Variants in KIAA0586 observed in about 807,000 individuals in gnomAD.
The protein encoded by KIAA0586 is protein TALPID3.
In KIAA0586, 144 loss-of-function variants were observed where a neutral mutation model predicts 169.8. The observed-to-expected ratio is 0.85, with a 90% CI of 0.74 to 0.97. The LOEUF (loss-of-function observed/expected upper bound fraction) is 0.97, where lower values mean the gene tolerates loss of function less well. Among genes scored for constraint, KIAA0586 ranks in the 50% least tolerant of loss-of-function variants. The pLI, the probability that KIAA0586 is intolerant of heterozygous loss-of-function variation, is 0.00. For synonymous variants in KIAA0586, 625 were observed against 612.4 expected (o/e 1.02, Z -0.30); for missense variants, 1,854 against 1,823.0 (o/e 1.02, Z -0.31).
intron 25 of KIAA0586, among the ~76,000 whole-genome samples, chr14:58,491,911 C>T (rs2042858145): frequency 1.3e-5 from 2 of 152,092 alleles, no homozygotes; most frequent in African/African-American, 4.8e-5. Flanking sequence ...TTTATAATCT[C>T]CAGTTTATGT....
At chr14:58,481,202 T>C (rs1173655497) in intron 20 of KIAA0586, among the ~76,000 whole-genome samples, 2 of 152,244 alleles carry the variant, frequency 1.3e-5, no homozygotes, top group Non-Finnish European at 2.9e-5. Context: ...CTGGATATTG[T>C]TACTATAGTT....
At chr14:58,427,499 G>A, upstream of KIAA0586, 1 of 1,250,194 alleles carries the variant, frequency 8.0e-7, no homozygotes, top group Non-Finnish European at 1.1e-6. Context: ...GGATGAGACT[G>A]TAGAGCGGTC....
At chr14:58,510,132 A>C (rs1291796176) in intron 28 of KIAA0586, among the ~76,000 whole-genome samples, 1 of 152,244 alleles carries the variant, frequency 6.6e-6, no homozygotes. Flanking sequence ...GCACTTTGGG[A>C]GGCTGAGGCA....
At chr14:58,502,067 G>A (rs948855472) in intron 27 of KIAA0586, among the ~76,000 whole-genome samples, 2 of 152,150 alleles carry the variant, frequency 1.3e-5, no homozygotes, top group African/African-American at 2.4e-5. Flanking sequence ...CCATAGGGCC[G>A]TGAATGATGT....
chr14:58,499,375 C>G (rs959297020), intron 27 of KIAA0586, among the ~76,000 whole-genome samples: 11 of 152,060 alleles, frequency 7.2e-5, no homozygotes, highest in African/African-American at 2.7e-4. Flanking sequence ...GCCTCAGCCT[C>G]CCGAGCAGCT....
At chr14:58,510,777 T>A (rs1477091999) in intron 28 of KIAA0586, among the ~76,000 whole-genome samples, 1 of 151,790 alleles carries the variant, frequency 6.6e-6, no homozygotes. Context: ...TACAGTGAAA[T>A]ACTTAGCAAC....
At chr14:58,442,600 TA>T in intron 4 of KIAA0586, 105 bp from the exon 5 acceptor site, 20 of 816,158 alleles carry the variant, frequency 2.5e-5, no homozygotes, top group Non-Finnish European at 3.5e-5. Flanking sequence ...GTGATTTAAT[TA>T]AAAAAAATCA....
At chr14:58,443,785 A>C (rs2038619899) in intron 5 of KIAA0586, among the ~76,000 whole-genome samples, 169 bp from the exon 6 acceptor site, 1 of 151,988 alleles carries the variant, frequency 6.6e-6, no homozygotes, top group South Asian at 2.1e-4. Context: ...TCTGCCTTTC[A>C]TTTCTGTGAC....
At chr14:58,561,995 T>C in the KIAA0586 span, among the ~76,000 whole-genome samples, 1 of 152,220 alleles carries the variant, frequency 6.6e-6, no homozygotes, top group East Asian at 1.9e-4. Flanking sequence ...TTGGGAATTA[T>C]CTAAACAAAG....
intron 26 of KIAA0586, among the ~76,000 whole-genome samples, chr14:58,496,276 G>C (rs1271600365): frequency 1.3e-5 from 2 of 152,162 alleles, no homozygotes; most frequent in African/African-American, 4.8e-5. Flanking sequence ...AAAACTCAGA[G>C]ATACTTATGA....
chr14:58,536,171 A>G (rs2046277697), intron 29 of KIAA0586, among the ~76,000 whole-genome samples: 2 of 152,068 alleles, frequency 1.3e-5, no homozygotes, highest in South Asian at 4.2e-4. Context: ...TGTTTATTGC[A>G]TGGATATATT....
rs112285277 is a variant in KIAA0586, at chr14:58,530,815, T to G, written c.4430-9256T>G. On this transcript the variant is annotated intron_variant, in intron 29 of 30. Coordinates refer to ENST00000652326, the MANE Select transcript of KIAA0586 (RefSeq NM_001329943.3). ...CTCATGACTAAAACACCAAAAGCAA[T>G]GGCAACAAAAGTCAAAATAGACAAA... is the stretch of plus-strand genomic sequence containing the variant. Among the ~76,000 whole-genome samples, 503 of 152,168 alleles carry G rather than the reference T, an allele frequency of 3.3e-3. 6 individuals are homozygous for G. Among genetic ancestry groups the G allele is most frequent in the African/African-American group, 0.012 (482 of 41,518 alleles).
At chr14:58,432,041 A>G (rs1021337897) in intron 3 of KIAA0586, among the ~76,000 whole-genome samples, 2 of 152,022 alleles carry the variant, frequency 1.3e-5, no homozygotes, top group African/African-American at 4.8e-5. Context: ...ACTTCCTTTT[A>G]CTTTTTGGAT....
chr14:58,507,406 A>AAT (rs758057081), intron 27 of KIAA0586, among the ~76,000 whole-genome samples: 7 of 147,922 alleles, frequency 4.7e-5, no homozygotes, highest in South Asian at 2.1e-4. Flanking sequence ...ATAAATTTTA[A>AAT]ATATATATAT....
chr14:58,440,871 C>T (rs1380840463), intron 4 of KIAA0586: 1 of 152,450 alleles, frequency 6.6e-6, no homozygotes, highest in Non-Finnish European at 1.5e-5. Context: ...GGATAGAGGT[C>T]AAAAGGTATA....
intron 28 of KIAA0586, among the ~76,000 whole-genome samples, chr14:58,512,103 C>T (rs888730820): frequency 2.6e-5 from 4 of 152,006 alleles, no homozygotes; most frequent in African/African-American, 4.8e-5. Flanking sequence ...AAAAGCTCTT[C>T]GAAAATTGCA....
intron 29 of KIAA0586, among the ~76,000 whole-genome samples, chr14:58,517,516 G>C (rs1386007484): frequency 1.3e-5 from 2 of 152,174 alleles, no homozygotes; most frequent in Non-Finnish European, 2.9e-5. Context: ...CTGATACATT[G>C]CTGGTGGGAA....
At chr14:58,501,616 T>C (rs2043579893) in intron 27 of KIAA0586, among the ~76,000 whole-genome samples, 1 of 152,138 alleles carries the variant, frequency 6.6e-6, no homozygotes, top group African/African-American at 2.4e-5. Context: ...AGGTATTTAA[T>C]TGGAAAAAAT....
At chr14:58,458,174 A>T (rs2040032103) in intron 11 of KIAA0586, among the ~76,000 whole-genome samples, 195 bp downstream of exon 11, 1 of 152,090 alleles carries the variant, frequency 6.6e-6, no homozygotes, top group Non-Finnish European at 1.5e-5. Flanking sequence ...TTCTGGTGGA[A>T]ATTTTTCTTT....
Sources: allele counts gnomAD v4.1 joint callset (sites outside exome capture counted in the v4.1 genomes callset), GRCh38; gene constraint gnomAD v4.1.1; transcripts MANE v1.5; gene names NCBI Gene and HGNC (gene_info 2026-07-23, HGNC 2026-07-21).